The following JUP variants were observed in gnomAD, a reference collection of about 807,000 sequenced individuals.
JUP encodes the protein junction plakoglobin.
Under a neutral mutation model 71.1 loss-of-function variants are expected in JUP, and 28 were observed. The ratio of observed to expected loss-of-function variants is 0.39; its 90% CI spans 0.29 to 0.54. JUP has a LOEUF of 0.54. JUP is among the 20% of genes least tolerant of loss of function. JUP has a pLI of 0.62. For missense variants in JUP, 869 were observed against 1,030.1 expected (o/e 0.84, Z 2.14); for synonymous variants, 401 against 438.9 (o/e 0.91, Z 1.08).
At chr17:41,765,135 A>G (rs1416927406) in intron 5 of JUP, 68 bp from the exon 6 acceptor site, 7 of 1,477,082 alleles carry the variant, frequency 4.7e-6, no homozygotes, top group African/African-American at 4.2e-5. Flanking sequence ...AGCGCGGGAC[A>G]GGAGACAGAA....
intron 1 of JUP, among the ~76,000 whole-genome samples, chr17:41,782,126 C>A (rs1401520995): frequency 1.3e-5 from 2 of 152,182 alleles, no homozygotes; most frequent in Admixed American, 1.3e-4. Flanking sequence ...TTCCCAGACC[C>A]CAAATCCAGG....
At chr17:41,760,020 C>A (rs1555600416) in intron 8 of JUP, among the ~76,000 whole-genome samples, 1 of 151,732 alleles carries the variant, frequency 6.6e-6, no homozygotes, top group Admixed American at 6.6e-5. Flanking sequence ...TCGAGACCAG[C>A]CTGGCCAACA....
chr17:41,774,650 G>T (rs1917162319), intron 1 of JUP, among the ~76,000 whole-genome samples: 1 of 152,088 alleles, frequency 6.6e-6, no homozygotes. Context: ...CCAATTTCTA[G>T]GTGAAGAAGC....
intron 1 of JUP, chr17:41,772,959 G>A (rs1463496028): frequency 1.0e-6 from 1 of 985,442 alleles, no homozygotes; most frequent in Non-Finnish European, 1.2e-6. Flanking sequence ...GATCCCATGA[G>A]GGCCTACTAC....
At chr17:41,776,274 G>T (rs916933463) in intron 1 of JUP, among the ~76,000 whole-genome samples, 1 of 152,268 alleles carries the variant, frequency 6.6e-6, no homozygotes, top group Non-Finnish European at 1.5e-5. Flanking sequence ...TTCTGAGTGA[G>T]GAGAGGGGCT....
At position 41,769,189 on chromosome 17, in the gene JUP, C is replaced by T. The variant is rs782239920; in HGVS notation, c.487G>A (p.Ala163Thr). The T allele has an allele frequency of 1.9e-6, 3 of 1,601,166 alleles. No individual in the cohort carries two copies. The highest frequency in any genetic ancestry group is 1.3e-5 in the African/African-American group (1 of 75,018). ...DEDPVVVTKA[A>T]MIVNQLSKKE... Reference sequence around the variant, plus strand: ...TTCGACAGCTGGTTCACAATCATGGCCGCCTTGGTCACCACCACCTGGAGG... The same window carrying T: ...TTCGACAGCTGGTTCACAATCATGGTCGCCTTGGTCACCACCACCTGGAGG... Residue 163 changes from alanine (A) to threonine (T), a missense_variant, in exon 4 of 14, where the codon GCC becomes ACC. By Grantham distance (58) the Ala-to-Thr change is moderately conservative (BLOSUM62 0). Transcript: ENST00000393931.
In JUP at chr17:41,767,593, G is replaced by T. The variant is rs369198677; in HGVS notation, c.708-13C>A. ...CTCCACAGGGGAGCTGGGGGGGTGG[G>T]CAGGGGTTAGTACGCTGAGGTCCCA... On this transcript the variant is annotated splice_polypyrimidine_tract_variant and intron_variant, in intron 4 of 13. Transcript: ENST00000393931. The T allele has an allele frequency of 7.1e-6, 9 of 1,267,488 alleles. No individual in the cohort carries two copies. Among genetic ancestry groups the T allele is most frequent in the African/African-American group, 2.9e-5 (2 of 68,464 alleles). 78.5% of individuals were successfully genotyped at this position (1,267,488 alleles called of 1,614,324 possible).
At position 41,773,877 on chromosome 17, in the gene JUP, C is replaced by G. The variant is rs78334232; in HGVS notation, c.-8-2015G>C. Among the ~76,000 whole-genome samples the G allele has an allele frequency of 1.0e-3, 154 of 152,334 alleles. 2 individuals are homozygous for G. The East Asian group carries it at 0.024, about 24-fold the overall frequency. On this transcript the variant is annotated intron_variant, in intron 1 of 13. Coordinates refer to ENST00000393931, the MANE Select transcript of JUP (RefSeq NM_002230.4). ...AGGAAGGTGCAAGTGTACAAGTAAACACGGTAGCAATAACCCACTGAATGC... is the reference window on the plus strand; with the variant it reads ...AGGAAGGTGCAAGTGTACAAGTAAAGACGGTAGCAATAACCCACTGAATGC...
rs2143460490 is a variant in JUP, at chr17:41,758,841, G to A, written c.1527C>T (p.Ala509=). 2 of 1,609,602 alleles carry A rather than the reference G, an allele frequency of 1.2e-6. No homozygotes were observed. The highest frequency in any genetic ancestry group is 1.3e-5 in the African/African-American group (1 of 74,964). The change falls in exon 9 of 14, where the codon GCC becomes GCT. Residue 509 remains alanine, a synonymous_variant. Transcript: ENST00000393931. ...GCGGGGCATGGTTGGCTGGGCACAGGGCCAGATTCCTGATCAAGCCGATGG... is the reference window on the plus strand; with the variant it reads ...GCGGGGCATGGTTGGCTGGGCACAGAGCCAGATTCCTGATCAAGCCGATGG... The part of the protein sequence containing the change: ...KATIGLIRNL[A]LCPANHAPLQ...
chr17:41,758,972 C>T, intron 8 of JUP, 102 bp from the exon 9 acceptor site: 1 of 1,249,652 alleles, frequency 8.0e-7, no homozygotes, highest in Non-Finnish European at 1.1e-6. Context: ...CTCTTCTGTC[C>T]CCGAGGCCAG....
At chr17:41,776,299 C>G (rs1385340824) in intron 1 of JUP, among the ~76,000 whole-genome samples, 3 of 152,246 alleles carry the variant, frequency 2.0e-5, no homozygotes, top group Non-Finnish European at 4.4e-5. Flanking sequence ...TTCCTTAAGC[C>G]TCATTTTCTC....
chr17:41,756,006 G>GT, intron 13 of JUP, 111 bp from the exon 14 acceptor site: 2 of 1,292,334 alleles, frequency 1.5e-6, no homozygotes, highest in South Asian at 2.6e-5. Context: ...TGGTGGGCCT[G>GT]ACCCCTCCCC....
In JUP at chr17:41,757,728, C is replaced by T. The variant is rs1555598974; in HGVS notation, c.1830G>A (p.Glu610=). 1.2e-6 allele frequency: 2 copies of T among 1,613,182 alleles called. No homozygotes were observed. The highest frequency in any genetic ancestry group is 1.7e-6 in the Non-Finnish European group (2 of 1,179,494). ...CGGCCGCCTCCTTGTCCTGGGCCAG[C>T]TCACACAGCACCCCGGCAGCCACGC... ...IQRVAAGVLC[E]LAQDKEAADA... is the part of the protein sequence containing the mutation. The change falls in exon 11 of 14, where the codon GAG becomes GAA. Residue 610 remains glutamate (E), a synonymous_variant. Transcript: ENST00000393931.
intron 1 of JUP, chr17:41,772,732 A>T (rs1158584132): frequency 1.1e-6 from 1 of 897,990 alleles, no homozygotes; most frequent in Non-Finnish European, 1.3e-6. Flanking sequence ...CCTCGAGCCC[A>T]GGCTAGGGAT....
chr17:41,785,231 C>G (rs2047393511), intron 1 of JUP: 1 of 151,836 alleles, frequency 6.6e-6, no homozygotes. Context: ...AACCAGCCAG[C>G]TAAGTAATGT....
rs782751412 is a variant in JUP at position 41,758,423 on chromosome 17, G to A, written c.1749C>T (p.Leu583=). 4.3e-6 allele frequency: 7 copies of A among 1,613,486 alleles called. No individual in the cohort carries two copies. The highest frequency in any genetic ancestry group is 1.7e-6 in the Non-Finnish European group (2 of 1,180,044). Residue 583 remains leucine, a synonymous_variant, in exon 10 of 14, where the codon CTC becomes CTT. Transcript: ENST00000393931. Reference sequence around the variant, plus strand: ...CCTGCACAAACAGGGGAATGGTGTTGAGCCGGAAGATCTCCATGCGGTTCA... The same window carrying A: ...CCTGCACAAACAGGGGAATGGTGTTAAGCCGGAAGATCTCCATGCGGTTCA... ...DPMNRMEIFR[L]NTIPLFVQLL... is the part of the protein sequence containing the mutation.
Position 41,755,685 on chromosome 17 carries a change from G to A in JUP, c.*59C>T, listed in dbSNP as rs1385935915. ...GGAGATGGGAGGGCCTCCAACAGAA[G>A]GAGGTTCTAGAGAGGAGGAAAAGCC... On this transcript the variant is annotated 3_prime_UTR_variant, in exon 14 of 14. Transcript: ENST00000393931. 2.1e-6 allele frequency: 3 copies of A among 1,457,912 alleles called. No individual in the cohort carries two copies. Among genetic ancestry groups the A allele is most frequent in the African/African-American group, 1.4e-5 (1 of 70,780 alleles). The allele number at this position is 1,457,912 out of a possible 1,614,324, so 90.3% of individuals were successfully genotyped here. A position where few individuals can be genotyped will look rare whatever the true frequency, so the allele number is the denominator to read the frequency against.
chr17:41,779,692 G>C (rs916434375), intron 1 of JUP, among the ~76,000 whole-genome samples: 12 of 151,078 alleles, frequency 7.9e-5, no homozygotes, highest in African/African-American at 2.9e-4. Flanking sequence ...TTGAGACAAG[G>C]TCTCGCTCTG....
At chr17:41,779,262 T>C (rs972520120) in intron 1 of JUP, among the ~76,000 whole-genome samples, 4 of 151,470 alleles carry the variant, frequency 2.6e-5, no homozygotes, top group African/African-American at 9.7e-5. Flanking sequence ...GGAAGAGACC[T>C]TAATGAAAGT....
Sources: gnomAD v4.1 joint callset for allele counts (sites outside exome capture counted in the v4.1 genomes callset) on GRCh38, gnomAD v4.1.1 for gene constraint, MANE v1.5 for transcripts, NCBI Gene and HGNC (gene_info 2026-07-23, HGNC 2026-07-21) for gene names.